The following BAG4 variants were observed in gnomAD, a reference collection of about 807,000 sequenced individuals.
BAG4 encodes the protein BAG cochaperone 4.
Under a neutral mutation model 52.1 loss-of-function variants are expected in BAG4, and 28 were observed. The observed-to-expected ratio is 0.54, with a 90% CI of 0.40 to 0.74. The LOEUF is 0.74. Among genes scored for constraint, BAG4 ranks in the 30% least tolerant of loss-of-function variants. The pLI, the probability that BAG4 is intolerant of heterozygous loss-of-function variation, is 0.00. For missense variants in BAG4, 525 were observed against 572.0 expected, an observed-to-expected ratio of 0.92 and a Z score of 0.84; for synonymous variants, 208 against 217.0, an observed-to-expected ratio of 0.96 and a Z score of 0.37.
chr8:38,178,676 ATCACACTACG>A (rs2130657382), intron 1 of BAG4, among the ~76,000 whole-genome samples: 1 of 152,396 alleles, frequency 6.6e-6, no homozygotes, highest in East Asian at 1.9e-4. Flanking sequence ...CCTTGAAAAC[ATCACACTACG>A]TGAGCTAAGT....
intron 2 of BAG4, among the ~76,000 whole-genome samples, chr8:38,198,484 TTTGTTTTTTG>T (rs1158094577): frequency 2.0e-5 from 3 of 147,650 alleles, no homozygotes; most frequent in African/African-American, 7.7e-5. Flanking sequence ...TTGTTTTTTG[TTTGTTTTTTG>T]TTTTTTTTTT....
At chr8:38,178,280 G>C (rs955745141) in intron 1 of BAG4, among the ~76,000 whole-genome samples, 70 of 151,600 alleles carry the variant, frequency 4.6e-4, no homozygotes, top group Middle Eastern at 3.4e-3. Context: ...TCAGCCTCTC[G>C]AGTAGCTAGG....
intron 2 of BAG4, among the ~76,000 whole-genome samples, chr8:38,194,607 G>A (rs1803531217): frequency 2.0e-5 from 3 of 150,510 alleles, no homozygotes; most frequent in Admixed American, 2.0e-4. Flanking sequence ...ATAGAGATGG[G>A]GTTTCACCGT....
chr8:38,194,949 G>A (rs1287208797), intron 2 of BAG4, among the ~76,000 whole-genome samples: 2 of 148,444 alleles, frequency 1.3e-5, no homozygotes, highest in African/African-American at 2.5e-5. Context: ...CTGCCTCCCG[G>A]GTTCACGCCA....
intron 1 of BAG4, among the ~76,000 whole-genome samples, chr8:38,178,655 A>G (rs1445046959): frequency 6.6e-6 from 1 of 152,248 alleles, no homozygotes; most frequent in South Asian, 2.1e-4. Context: ...GCATGCTACA[A>G]TATGAATGAA....
intron 2 of BAG4, among the ~76,000 whole-genome samples, chr8:38,197,538 G>A (rs905232719): frequency 1.3e-5 from 2 of 152,180 alleles, no homozygotes; most frequent in African/African-American, 2.4e-5. Flanking sequence ...AGTTACTCTG[G>A]GTGAGTCAGT....
At chr8:38,203,174 ACAT>A (rs1386794502) in intron 2 of BAG4, among the ~76,000 whole-genome samples, 1 of 152,174 alleles carries the variant, frequency 6.6e-6, no homozygotes, top group Non-Finnish European at 1.5e-5. Flanking sequence ...TTTGAGACAA[ACAT>A]CATTGGTCAC....
rs778910259 is a variant in BAG4 at position 38,210,069 on chromosome 8, G to A, written c.950G>A (p.Ser317Asn). The A allele has an allele frequency of 4.3e-6, 7 of 1,614,066 alleles. No homozygotes were observed. The African/African-American group carries it at 8.0e-5, about 18-fold the overall frequency. ...ATGAACCGGCACAACTTTCCTTGCA[G>A]TGTCCATCAGTACGAATCCTCGGGG... ...QSMNRHNFPC[S>N]VHQYESSGTV... The change falls in exon 5 of 5, where the codon AGT (serine) becomes AAT (asparagine). Residue 317 changes from serine (S) to asparagine (N), a missense_variant. By Grantham distance (46) the Ser-to-Asn change is conservative. Coordinates refer to ENST00000287322, the MANE Select transcript of BAG4 (RefSeq NM_004874.4).
At chr8:38,179,593 C>T (rs1803230033) in intron 1 of BAG4, among the ~76,000 whole-genome samples, 1 of 151,532 alleles carries the variant, frequency 6.6e-6, no homozygotes, top group Non-Finnish European at 1.5e-5. Flanking sequence ...TGGCAAAACC[C>T]CGTCTCTACT....
At chr8:38,191,760 C>CAAAA (rs35851034) in intron 1 of BAG4, among the ~76,000 whole-genome samples, 3 of 72,596 alleles carry the variant, frequency 4.1e-5, no homozygotes, top group Admixed American at 1.6e-4. Flanking sequence ...AACTCTGTCT[C>CAAAA]AAAAAAAAAA....
At chr8:38,201,841 TA>T (rs1803667367) in intron 2 of BAG4, 20 of 8,526 alleles carry the variant, frequency 2.3e-3, no homozygotes, top group Non-Finnish European at 3.7e-3. Flanking sequence ...AATTTATATA[TA>T]TATATATATA....
intron 3 of BAG4, 21 bp downstream of exon 3, chr8:38,207,787 A>G: frequency 6.2e-7 from 1 of 1,611,030 alleles, no homozygotes; most frequent in South Asian, 1.1e-5. Context: ...TTCTATTGGG[A>G]AAAAAATGAA....
At position 38,209,107 on chromosome 8, in the gene BAG4, G is replaced by A. The variant is rs1378130085; in HGVS notation, c.728G>A (p.Trp243Ter). 1 of 1,614,148 alleles carries A rather than the reference G, an allele frequency of 6.2e-7. No homozygotes were observed. Among genetic ancestry groups the A allele is most frequent in the South Asian group, 1.1e-5 (1 of 91,074 alleles). The part of the protein sequence containing the change: ...GPTVRPQEDA[W>*]ASPGAYGMGG... Reference sequence around the variant, plus strand: ...ACTGTACGACCACAAGAAGATGCGTGGGCTTCTCCTGGTGCTTATGGAATG... The same window carrying A: ...ACTGTACGACCACAAGAAGATGCGTAGGCTTCTCCTGGTGCTTATGGAATG... Residue 243 changes from tryptophan (W) to a stop codon, truncating the protein, a stop_gained, in exon 4 of 5, where the codon TGG becomes TAG. Transcript: ENST00000287322. LOFTEE classifies it high-confidence loss of function.
intron 1 of BAG4, among the ~76,000 whole-genome samples, chr8:38,190,250 C>T (rs1452684290): frequency 1.3e-5 from 2 of 152,110 alleles, no homozygotes; most frequent in Admixed American, 6.6e-5. Context: ...CTACAATACA[C>T]ACAATATAGT....
chr8:38,184,551 C>A (rs1728349906), intron 1 of BAG4, among the ~76,000 whole-genome samples: 1 of 152,044 alleles, frequency 6.6e-6, no homozygotes, highest in Non-Finnish European at 1.5e-5. Context: ...GGAGGTGGCG[C>A]CTCCTACCTG....
intron 2 of BAG4, among the ~76,000 whole-genome samples, chr8:38,202,411 A>G (rs558090249): frequency 5.9e-5 from 9 of 152,080 alleles, no homozygotes; most frequent in Admixed American, 5.9e-4. Flanking sequence ...GACTACAGGC[A>G]CATGCCACCA....
At chr8:38,191,584 C>A (rs1452085100) in intron 1 of BAG4, among the ~76,000 whole-genome samples, 1 of 151,900 alleles carries the variant, frequency 6.6e-6, no homozygotes, top group Non-Finnish European at 1.5e-5. Flanking sequence ...AATAGTGAAA[C>A]CCGGTCTCTA....
intron 1 of BAG4, among the ~76,000 whole-genome samples, chr8:38,190,846 C>T (rs2130672283): frequency 6.6e-6 from 1 of 150,684 alleles, no homozygotes; most frequent in Admixed American, 6.7e-5. Flanking sequence ...CAACTTCTGT[C>T]TCCTGGGTTC....
intron 1 of BAG4, among the ~76,000 whole-genome samples, chr8:38,181,606 T>TCA (rs1005755363): frequency 6.6e-6 from 1 of 151,276 alleles, no homozygotes; most frequent in Non-Finnish European, 1.5e-5. Flanking sequence ...GTGTGGTGGC[T>TCA]CACACCTGTA....
Sources: allele counts gnomAD v4.1 joint callset (sites outside exome capture counted in the v4.1 genomes callset), GRCh38; gene constraint gnomAD v4.1.1; transcripts MANE v1.5; gene names NCBI Gene and HGNC (gene_info 2026-07-23, HGNC 2026-07-21).